Variants in SSH2 observed in about 807,000 individuals in gnomAD.
SSH2 encodes slingshot protein phosphatase 2, also known as protein phosphatase Slingshot homolog 2.
A neutral mutation model predicts 135.2 loss-of-function variants in SSH2; 37 were observed. That is an observed-to-expected ratio of 0.27 (90% CI 0.21 to 0.36). The LOEUF is 0.36. Ranked by LOEUF, SSH2 falls within the 10% of genes least tolerant of loss-of-function variation. The pLI is 1.00. For synonymous variants in SSH2, 628 were observed against 646.2 expected (o/e 0.97, Z 0.43); for missense variants, 1,408 against 1,765.3 (o/e 0.80, Z 3.63).
intron 3 of SSH2, among the ~76,000 whole-genome samples, chr17:29,755,896 T>C (rs1204677204): frequency 2.7e-5 from 4 of 149,956 alleles, no homozygotes; most frequent in Non-Finnish European, 5.9e-5. Flanking sequence ...CTCCTGAGCT[T>C]GTGATCCACC....
intron 8 of SSH2, among the ~76,000 whole-genome samples, chr17:29,675,360 G>T (rs754342312): frequency 6.6e-6 from 1 of 151,744 alleles, no homozygotes; most frequent in Non-Finnish European, 1.5e-5. Context: ...TATCCATTCC[G>T]CTCCCCATGG....
intron 2 of SSH2, among the ~76,000 whole-genome samples, chr17:29,805,441 C>T (rs2042327377): frequency 6.6e-6 from 1 of 152,098 alleles, no homozygotes; most frequent in Admixed American, 6.6e-5. Context: ...AGGCGTGAGC[C>T]ACCATGCCCG....
intron 2 of SSH2, among the ~76,000 whole-genome samples, chr17:29,800,947 C>T (rs981838927): frequency 3.3e-5 from 5 of 151,288 alleles, no homozygotes; most frequent in Non-Finnish European, 7.4e-5. Context: ...CTCACTGCAC[C>T]CTCTGCCTCC....
intron 1 of SSH2, among the ~76,000 whole-genome samples, chr17:29,891,398 A>G (rs556151767): frequency 1.3e-5 from 2 of 152,300 alleles, no homozygotes; most frequent in East Asian, 3.9e-4. Context: ...TGTTATCTAG[A>G]CAAAACCCAT....
Position 29,631,895 on chromosome 17 carries a change from G to A in SSH2, c.3299C>T (p.Pro1100Leu), listed in dbSNP as rs202016456. 4.9e-5 allele frequency: 79 copies of A among 1,614,072 alleles called. No homozygotes were observed. The highest frequency in any genetic ancestry group is 6.4e-5 in the Non-Finnish European group (76 of 1,180,036). The change falls in exon 16 of 16, where the codon CCC becomes CTC. Residue 1100 changes from proline (P) to leucine (L), a missense_variant. Pro to Leu is a moderately conservative substitution (Grantham distance 98, BLOSUM62 -3). Coordinates refer to ENST00000540801, the MANE Select transcript of SSH2 (RefSeq NM_001282129.2). ...TLDPNQVSLH[P>L]QVLPLPHSSS... ...AGAATGAGGCAGAGGTAGCACTTGG[G>A]GGTGCAGAGAAACCTGGTTGGGGTC...
At chr17:29,672,237 T>A in intron 8 of SSH2, 108 bp from the exon 9 acceptor site, 10 of 743,498 alleles carry the variant, frequency 1.3e-5, no homozygotes, top group South Asian at 2.3e-5. Context: ...GAATTTGTCC[T>A]CTGGACAATC....
At chr17:29,833,035 C>T (rs1353954368) in intron 2 of SSH2, among the ~76,000 whole-genome samples, 1 of 152,180 alleles carries the variant, frequency 6.6e-6, no homozygotes, top group Non-Finnish European at 1.5e-5. Context: ...GAGAATGCTC[C>T]ATATGCTGAG....
At chr17:29,767,393 C>G (rs1322397507) in intron 3 of SSH2, among the ~76,000 whole-genome samples, 4 of 148,654 alleles carry the variant, frequency 2.7e-5, no homozygotes, top group Non-Finnish European at 5.9e-5. Context: ...TTTTTTAGAC[C>G]TCTCAGGGAT....
At chr17:29,794,019 C>G in intron 2 of SSH2, 82 bp from the exon 3 acceptor site, 1 of 1,080,352 alleles carries the variant, frequency 9.3e-7, no homozygotes, top group Non-Finnish European at 1.4e-6. Flanking sequence ...TACTAAGTTT[C>G]ACATGTTGTG....
chr17:29,804,887 T>C (rs1389504030), intron 2 of SSH2, among the ~76,000 whole-genome samples: 1 of 132,680 alleles, frequency 7.5e-6, no homozygotes, highest in Non-Finnish European at 1.5e-5. Flanking sequence ...AGAGATGAGG[T>C]CTAACTAAGT....
chr17:29,874,668 A>G (rs1016075217), intron 1 of SSH2, among the ~76,000 whole-genome samples: 1 of 152,172 alleles, frequency 6.6e-6, no homozygotes, highest in Non-Finnish European at 1.5e-5. Flanking sequence ...GCCATGCTGA[A>G]TTGTGAGTTG....
chr17:29,906,487 T>G (rs1015401047), intron 1 of SSH2, among the ~76,000 whole-genome samples: 2 of 151,968 alleles, frequency 1.3e-5, no homozygotes, highest in Non-Finnish European at 2.9e-5. Context: ...CAAAAGCAAG[T>G]GCAACACAAG....
intron 4 of SSH2, among the ~76,000 whole-genome samples, chr17:29,700,266 C>G (rs969132523): frequency 1.3e-5 from 2 of 152,164 alleles, no homozygotes; most frequent in African/African-American, 4.8e-5. Flanking sequence ...TCACCTCTTT[C>G]TGTACTACTG....
At chr17:29,891,469 C>A (rs1444955072) in intron 1 of SSH2, among the ~76,000 whole-genome samples, 7 of 151,290 alleles carry the variant, frequency 4.6e-5, no homozygotes, top group Admixed American at 4.6e-4. Context: ...AAAGAAGCAA[C>A]AAAAGCACAG....
At chr17:29,701,826 G>A (rs996614417) in intron 4 of SSH2, among the ~76,000 whole-genome samples, 25 of 151,448 alleles carry the variant, frequency 1.7e-4, no homozygotes, top group African/African-American at 5.8e-4. Context: ...CTGCCTTGGC[G>A]TCCCCAAATG....
chr17:29,754,997 C>G (rs1311964624), intron 3 of SSH2, among the ~76,000 whole-genome samples: 2 of 152,142 alleles, frequency 1.3e-5, no homozygotes, highest in Admixed American at 6.6e-5. Flanking sequence ...AGAATTTTAT[C>G]TAACAATTTT....
chr17:29,687,283 C>T (rs1363838558), intron 5 of SSH2, among the ~76,000 whole-genome samples: 1 of 152,082 alleles, frequency 6.6e-6, no homozygotes. Context: ...TCTGATACTC[C>T]TAGGAAAAGC....
At chr17:29,761,309 C>G in intron 3 of SSH2, 1 of 1,262,332 alleles carries the variant, frequency 7.9e-7, no homozygotes, top group Non-Finnish European at 1.0e-6. Context: ...ACTCCGCATC[C>G]TGGCCTCTGC....
intron 1 of SSH2, among the ~76,000 whole-genome samples, chr17:29,886,209 G>A (rs1369825037): frequency 6.6e-6 from 1 of 152,160 alleles, no homozygotes; most frequent in Admixed American, 6.5e-5. Flanking sequence ...TTGTTGAATG[G>A]CTTTGACCAA....
Sources: allele counts gnomAD v4.1 joint callset (sites outside exome capture counted in the v4.1 genomes callset), GRCh38; gene constraint gnomAD v4.1.1; transcripts MANE v1.5; gene names NCBI Gene and HGNC (gene_info 2026-07-23, HGNC 2026-07-21).